Variants in DSCAM observed in about 807,000 individuals in gnomAD.
DSCAM encodes the protein cell adhesion molecule DSCAM.
A neutral mutation model predicts 217.7 loss-of-function variants in DSCAM; 47 were observed. That is an observed-to-expected ratio of 0.22 (90% CI 0.17 to 0.28). DSCAM has a LOEUF of 0.28. DSCAM is among the 10% of genes least tolerant of loss of function. DSCAM has a pLI of 1.00. For missense variants in DSCAM, 2,080 were observed against 2,618.3 expected, an observed-to-expected ratio of 0.79 and a Z score of 4.49; for synonymous variants, 1,056 against 1,015.3, an observed-to-expected ratio of 1.04 and a Z score of -0.76.
intron 3 of DSCAM, among the ~76,000 whole-genome samples, chr21:40,410,550 G>A (rs2075313845): frequency 1.3e-5 from 2 of 150,880 alleles, no homozygotes; most frequent in South Asian, 4.3e-4. Context: ...TTAAGCCAAG[G>A]ACATATGAAG....
intron 3 of DSCAM, among the ~76,000 whole-genome samples, chr21:40,590,497 G>C (rs2076976337): frequency 6.6e-6 from 1 of 152,184 alleles, no homozygotes; most frequent in Non-Finnish European, 1.5e-5. Flanking sequence ...GTAAAATGTG[G>C]GGAAACAGCT....
chr21:40,348,203 CG>C (rs2074582599), intron 5 of DSCAM, among the ~76,000 whole-genome samples: 2 of 152,242 alleles, frequency 1.3e-5, no homozygotes, highest in African/African-American at 4.8e-5. Context: ...TTATTGCAAT[CG>C]TACCCCACAC....
chr21:40,597,140 T>C (rs963763925), intron 3 of DSCAM, among the ~76,000 whole-genome samples: 4 of 152,322 alleles, frequency 2.6e-5, no homozygotes, highest in South Asian at 2.1e-4. Context: ...TCTCAATAAA[T>C]AGTAAGCACT....
chr21:40,702,158 C>T (rs1334887182), intron 2 of DSCAM, among the ~76,000 whole-genome samples: 3 of 152,090 alleles, frequency 2.0e-5, no homozygotes, highest in Admixed American at 6.5e-5. Flanking sequence ...CTTCACCTCC[C>T]CCCTTTACAT....
chr21:40,128,478 T>C (rs2090119395), intron 19 of DSCAM, among the ~76,000 whole-genome samples: 1 of 151,948 alleles, frequency 6.6e-6, no homozygotes, highest in African/African-American at 2.4e-5. Context: ...TCACTTGACT[T>C]TCAGTTAATG....
At chr21:40,682,948 G>A (rs367565386) in intron 3 of DSCAM, among the ~76,000 whole-genome samples, 3 of 45,018 alleles carry the variant, frequency 6.7e-5, no homozygotes, top group Non-Finnish European at 1.2e-4. Flanking sequence ...AGGTTAAATC[G>A]GGTCATAAGG....
At chr21:40,302,414 C>A (rs1482731185) in intron 9 of DSCAM, among the ~76,000 whole-genome samples, 1 of 152,154 alleles carries the variant, frequency 6.6e-6, no homozygotes, top group Non-Finnish European at 1.5e-5. Context: ...ACATGCCTTT[C>A]ACCTCCCAGC....
At chr21:40,170,904 A>C (rs2090649936) in intron 15 of DSCAM, among the ~76,000 whole-genome samples, 1 of 152,178 alleles carries the variant, frequency 6.6e-6, no homozygotes, top group African/African-American at 2.4e-5. Context: ...TGGTCCTCTC[A>C]GGAAGATGGC....
chr21:40,502,043 A>C (rs900078923), intron 3 of DSCAM, among the ~76,000 whole-genome samples: 1 of 152,190 alleles, frequency 6.6e-6, no homozygotes, highest in African/African-American at 2.4e-5. Flanking sequence ...TCTATGCATA[A>C]AATTCAGGAA....
At chr21:40,305,518 G>A (rs2074063877) in intron 9 of DSCAM, among the ~76,000 whole-genome samples, 1 of 152,068 alleles carries the variant, frequency 6.6e-6, no homozygotes, top group African/African-American at 2.4e-5. Context: ...CCTTGCCCAT[G>A]CCTATGTCCT....
chr21:40,108,139 A>G (rs1418180095), intron 20 of DSCAM, among the ~76,000 whole-genome samples: 1 of 152,120 alleles, frequency 6.6e-6, no homozygotes, highest in Non-Finnish European at 1.5e-5. Context: ...CCTACTCAAC[A>G]CAGTATTGGA....
chr21:40,042,087 C>T (rs1325944744), intron 32 of DSCAM, among the ~76,000 whole-genome samples: 3 of 152,182 alleles, frequency 2.0e-5, no homozygotes, highest in Non-Finnish European at 4.4e-5. Flanking sequence ...AGGGAGAACA[C>T]AGCCAGGTCG....
rs192714162 is a variant in DSCAM, at chr21:40,599,041, T to C, written c.508+93769A>G. Among the ~76,000 whole-genome samples the C allele has an allele frequency of 8.4e-4, 128 of 152,300 alleles. 2 individuals carry two copies. The East Asian group carries it at 0.018, about 22-fold the overall frequency. On this transcript the variant is annotated intron_variant, in intron 3 of 32. Transcript: ENST00000400454. Reference sequence around the variant, plus strand: ...CCAGATCTTTTGTTCTTTTTTAACATTGGATCATTTGTTTTCACATTGTTG... The same window carrying C: ...CCAGATCTTTTGTTCTTTTTTAACACTGGATCATTTGTTTTCACATTGTTG...
At chr21:40,465,655 G>A (rs1435064598) in intron 3 of DSCAM, among the ~76,000 whole-genome samples, 1 of 152,154 alleles carries the variant, frequency 6.6e-6, no homozygotes, top group African/African-American at 2.4e-5. Flanking sequence ...AGACATTTTT[G>A]CAATTTATTT....
chr21:40,782,302 T>C (rs1439853622), intron 1 of DSCAM, among the ~76,000 whole-genome samples: 1 of 152,250 alleles, frequency 6.6e-6, no homozygotes, highest in Non-Finnish European at 1.5e-5. Flanking sequence ...ATAAGTGGCC[T>C]CTGCCTTTCT....
At chr21:40,432,929 C>A (rs949159625) in intron 3 of DSCAM, among the ~76,000 whole-genome samples, 1 of 152,104 alleles carries the variant, frequency 6.6e-6, no homozygotes, top group African/African-American at 2.4e-5. Context: ...GTTGACCCAT[C>A]GCTTCTCGTT....
chr21:40,515,725 T>A (rs1263878658), intron 3 of DSCAM, among the ~76,000 whole-genome samples: 1 of 152,126 alleles, frequency 6.6e-6, no homozygotes, highest in Non-Finnish European at 1.5e-5. Context: ...GCACAAGCCC[T>A]CCCAGGAGAG....
intron 16 of DSCAM, among the ~76,000 whole-genome samples, chr21:40,162,474 C>T (rs116674745): frequency 1.0e-3 from 159 of 152,212 alleles, no homozygotes; most frequent in African/African-American, 3.4e-3. Context: ...GTTTATTAAA[C>T]GATGACTACG....
At chr21:40,386,398 T>TGAAC (rs2075085326) in intron 3 of DSCAM, among the ~76,000 whole-genome samples, 1 of 152,220 alleles carries the variant, frequency 6.6e-6, no homozygotes, top group Admixed American at 6.5e-5. Flanking sequence ...TGAATGTGAA[T>TGAAC]GAACGCCCTT....
Sources: allele counts gnomAD v4.1 joint callset (sites outside exome capture counted in the v4.1 genomes callset), GRCh38; gene constraint gnomAD v4.1.1; transcripts MANE v1.5; gene names NCBI Gene and HGNC (gene_info 2026-07-23, HGNC 2026-07-21).